SCHIP1: variants seen among roughly 807,000 people sequenced by gnomAD.
SCHIP1 encodes schwannomin-interacting protein 1.
SCHIP1 carries 8 observed loss-of-function variants against 29.7 expected under a neutral mutation model. The observed-to-expected ratio is 0.27, with a 90% confidence interval of 0.16 to 0.49. The LOEUF (loss-of-function observed/expected upper bound fraction) is 0.49. Ranked by LOEUF, SCHIP1 falls within the 20% of genes least tolerant of loss-of-function variation. The probability of loss-of-function intolerance (pLI) is 0.99; values close to 1 mark genes in which losing one functional copy is unlikely to be tolerated. For missense variants in SCHIP1, 193 were observed against 294.6 expected (o/e 0.66, Z 2.52); for synonymous variants, 76 against 94.9 (o/e 0.80, Z 1.16).
the SCHIP1 span, among the ~76,000 whole-genome samples, chr3:159,490,402 C>T: frequency 1.3e-5 from 2 of 152,114 alleles, no homozygotes; most frequent in African/African-American, 4.8e-5. Context: ...TAACCAGGTT[C>T]TGTGAGTGCC....
chr3:159,401,415 T>A, the SCHIP1 span: 1 of 932,674 alleles, frequency 1.1e-6, no homozygotes, highest in Non-Finnish European at 1.3e-6. Context: ...TTTTAGATAG[T>A]AATAAAAATA....
chr3:159,444,093 G>T, the SCHIP1 span, among the ~76,000 whole-genome samples: 2 of 152,116 alleles, frequency 1.3e-5, no homozygotes, highest in African/African-American at 4.8e-5. Flanking sequence ...GCACTGAGAG[G>T]GGGTGGTGAA....
chr3:159,594,469 T>C, the SCHIP1 span, among the ~76,000 whole-genome samples: 4 of 152,306 alleles, frequency 2.6e-5, no homozygotes, highest in South Asian at 2.1e-4. Context: ...AGGTAACATA[T>C]GACACTTGAA....
the SCHIP1 span, among the ~76,000 whole-genome samples, chr3:159,491,772 G>A: frequency 1.3e-5 from 2 of 152,218 alleles, no homozygotes; most frequent in Admixed American, 1.3e-4. Flanking sequence ...CCAGCATGCA[G>A]CTGGAGATCT....
the SCHIP1 span, among the ~76,000 whole-genome samples, chr3:159,756,145 G>C: frequency 4.6e-5 from 7 of 152,334 alleles, no homozygotes; most frequent in Non-Finnish European, 8.8e-5. Context: ...CTGTTTGGGG[G>C]CTCTGACCCC....
At chr3:159,282,371 A>ACAATT in the SCHIP1 span, among the ~76,000 whole-genome samples, 1 of 151,796 alleles carries the variant, frequency 6.6e-6, no homozygotes, top group Non-Finnish European at 1.5e-5. Flanking sequence ...CTATTGTTTC[A>ACAATT]CTGAGATTTT....
At chr3:159,813,991 T>C in the SCHIP1 span, among the ~76,000 whole-genome samples, 3 of 151,916 alleles carry the variant, frequency 2.0e-5, no homozygotes, top group Non-Finnish European at 4.4e-5. Flanking sequence ...ATGCAGAAGA[T>C]GTTGTCAGGC....
At chr3:159,435,847 T>C in the SCHIP1 span, among the ~76,000 whole-genome samples, 37 of 152,108 alleles carry the variant, frequency 2.4e-4, no homozygotes, top group African/African-American at 8.9e-4. Context: ...TTGGAGATAT[T>C]TGAGGGAAGG....
chr3:159,597,527 T>A, the SCHIP1 span, among the ~76,000 whole-genome samples: 1 of 152,198 alleles, frequency 6.6e-6, no homozygotes, highest in East Asian at 1.9e-4. Flanking sequence ...GAACATGTGA[T>A]ATTTGCATTT....
chr3:159,730,869 A>T, the SCHIP1 span, among the ~76,000 whole-genome samples: 1 of 152,216 alleles, frequency 6.6e-6, no homozygotes, highest in African/African-American at 2.4e-5. Flanking sequence ...CTATCTAGAC[A>T]TCATACAAAA....
At chr3:159,810,077 G>T in the SCHIP1 span, among the ~76,000 whole-genome samples, 1 of 152,150 alleles carries the variant, frequency 6.6e-6, no homozygotes, top group South Asian at 2.1e-4. Context: ...ACGGAGTCTC[G>T]CACTGTCGCC....
At chr3:159,430,098 A>G in the SCHIP1 span, among the ~76,000 whole-genome samples, 2 of 152,192 alleles carry the variant, frequency 1.3e-5, no homozygotes, top group Non-Finnish European at 1.5e-5. Context: ...CATAGGTGAA[A>G]TGACACTTAG....
At chr3:159,320,995 C>T in the SCHIP1 span, among the ~76,000 whole-genome samples, 1 of 152,110 alleles carries the variant, frequency 6.6e-6, no homozygotes, top group Admixed American at 6.5e-5. Context: ...GACAGAATCT[C>T]TGTCTGTCAC....
At chr3:159,769,461 C>T in the SCHIP1 span, among the ~76,000 whole-genome samples, 2 of 152,102 alleles carry the variant, frequency 1.3e-5, no homozygotes, top group Admixed American at 1.3e-4. Flanking sequence ...TTAAAAATAG[C>T]TTTATTGGCC....
chr3:159,641,964 C>G, the SCHIP1 span, among the ~76,000 whole-genome samples: 7 of 152,084 alleles, frequency 4.6e-5, no homozygotes, highest in African/African-American at 1.7e-4. Flanking sequence ...TTCATTTTTG[C>G]AGGCTTATTG....
At chr3:159,395,892 A>G in the SCHIP1 span, among the ~76,000 whole-genome samples, 94,330 of 151,166 alleles carry the variant, frequency 0.62, 30,166 homozygotes, top group East Asian at 0.75. Flanking sequence ...TTTCTGTCTC[A>G]TTGATCTGTC....
At chr3:159,895,964 G>A (rs1274333764) in intron 6 of SCHIP1, among the ~76,000 whole-genome samples, 1 of 152,198 alleles carries the variant, frequency 6.6e-6, no homozygotes, top group East Asian at 1.9e-4. Flanking sequence ...CCAGAGTGCT[G>A]GAATTACAGG....
the SCHIP1 span, among the ~76,000 whole-genome samples, chr3:159,783,018 T>G: frequency 6.6e-6 from 1 of 152,192 alleles, no homozygotes; most frequent in Admixed American, 6.5e-5. Flanking sequence ...AAGGGGGAAG[T>G]TGAGGGTACA....
the SCHIP1 span, among the ~76,000 whole-genome samples, chr3:159,497,362 A>G: frequency 6.6e-6 from 1 of 152,044 alleles, no homozygotes; most frequent in Non-Finnish European, 1.5e-5. Flanking sequence ...GTTCTATCAC[A>G]TGTTCTTCAC....
Sources: allele counts gnomAD v4.1 joint callset (sites outside exome capture counted in the v4.1 genomes callset), GRCh38; gene constraint gnomAD v4.1.1; transcripts MANE v1.5; gene names NCBI Gene and HGNC (gene_info 2026-07-23, HGNC 2026-07-21).